The following SEMA3F variants were observed in gnomAD, a reference collection of about 807,000 sequenced individuals.
SEMA3F encodes the protein semaphorin-3F.
Under a neutral mutation model 98.5 loss-of-function variants are expected in SEMA3F, and 30 were observed. That is an observed-to-expected ratio of 0.30 (90% CI 0.23 to 0.41). The LOEUF (loss-of-function observed/expected upper bound fraction) is 0.41. SEMA3F is among the 10% of genes least tolerant of loss of function. SEMA3F has a pLI of 1.00. For missense variants in SEMA3F, 866 were observed against 1,119.3 expected, an observed-to-expected ratio of 0.77 and a Z score of 3.23; for synonymous variants, 380 against 444.8, an observed-to-expected ratio of 0.85 and a Z score of 1.83.
At chr3:50,161,013 T>C (rs1395222289) in intron 2 of SEMA3F, among the ~76,000 whole-genome samples, 1 of 152,154 alleles carries the variant, frequency 6.6e-6, no homozygotes, top group Non-Finnish European at 1.5e-5. Context: ...GTGAGATATT[T>C]ATTCTGCTGA....
intron 2 of SEMA3F, among the ~76,000 whole-genome samples, chr3:50,170,187 C>G (rs1698551453): frequency 6.6e-6 from 1 of 152,136 alleles, no homozygotes; most frequent in Non-Finnish European, 1.5e-5. Context: ...CTTACACCTT[C>G]TTTGCTCTGG....
In SEMA3F at chr3:50,173,893, G is replaced by A; in HGVS notation, c.213G>A (p.Val71=). The A allele has an allele frequency of 6.2e-7, 1 of 1,614,148 alleles. No individual in the cohort carries two copies. The highest frequency in any genetic ancestry group is 8.5e-7 in the Non-Finnish European group (1 of 1,180,030). Residue 71 remains valine (V), a synonymous_variant, in exon 3 of 19, where the codon GTG becomes GTA. Transcript: ENST00000002829. ...LKDEDHDRMY[V]GSKDYVLSLD... is the part of the protein sequence containing the mutation. ...ACGAGGACCACGACCGCATGTACGT[G>A]GGCAGCAAGGACTACGTGCTGTCCC...
intron 7 of SEMA3F, among the ~76,000 whole-genome samples, chr3:50,180,309 G>A (rs1051942004): frequency 1.3e-5 from 2 of 151,806 alleles, no homozygotes; most frequent in Admixed American, 6.6e-5. Flanking sequence ...GATCATAGGC[G>A]CCCACCACCA....
At position 50,185,725 on chromosome 3, in the gene SEMA3F, T is replaced by C; in HGVS notation, c.1587+18T>C. On this transcript the variant is annotated intron_variant, in intron 15 of 18. Transcript: ENST00000002829. The stretch of plus-strand genomic sequence containing the variant: ...CTAAGAGGGTAAGCCTTTGGCGAGG[T>C]GAGCCAAGGTTGGGGACAGGGCCTG... 3 of 1,614,028 alleles carry C rather than the reference T, an allele frequency of 1.9e-6. No individual in the cohort carries two copies. The highest frequency in any genetic ancestry group is 2.5e-6 in the Non-Finnish European group (3 of 1,179,924).
chr3:50,155,154 C>A, upstream of SEMA3F: 1 of 370,720 alleles, frequency 2.7e-6, no homozygotes, highest in South Asian at 6.3e-5. The surrounding 1 kb of genome is among the most constrained non-coding windows in gnomAD (Gnocchi z 4.9). Flanking sequence ...CTGGGTACGC[C>A]GCGAGGAACC....
chr3:50,169,771 G>T (rs536192425), intron 2 of SEMA3F, among the ~76,000 whole-genome samples: 22 of 152,372 alleles, frequency 1.4e-4, no homozygotes, highest in African/African-American at 4.3e-4. Flanking sequence ...ACCAGGCTGG[G>T]TCTGCATCAG....
At position 50,170,653 on chromosome 3, in the gene SEMA3F, T is replaced by C. The variant is rs181656839; in HGVS notation, c.113-3140T>C. Among the ~76,000 whole-genome samples the C allele has an allele frequency of 4.9e-3, 746 of 152,090 alleles. 12 individuals are homozygous for C. Among genetic ancestry groups the C allele is most frequent in the African/African-American group, 0.017 (694 of 41,454 alleles). On this transcript the variant is annotated intron_variant, in intron 2 of 18. Coordinates refer to ENST00000002829, the MANE Select transcript of SEMA3F (RefSeq NM_004186.5). ...AGTACCAGGAGGGCCTGAGAGATGGTCTAGACTAGAGAATGAGGCTCAGAG... is the reference window on the plus strand; with the variant it reads ...AGTACCAGGAGGGCCTGAGAGATGGCCTAGACTAGAGAATGAGGCTCAGAG...
chr3:50,176,941 C>A, intron 7 of SEMA3F, 80 bp downstream of exon 7: 1 of 1,162,454 alleles, frequency 8.6e-7, no homozygotes, highest in Non-Finnish European at 1.3e-6. Flanking sequence ...CCAACACTTA[C>A]CCAAGGGCAG....
In SEMA3F at chr3:50,182,262, T is replaced by G. The variant is rs757860879; in HGVS notation, c.644-22T>G. On this transcript the variant is annotated intron_variant, in intron 7 of 18. Transcript: ENST00000002829. The surrounding 1 kb of genome is among the most constrained non-coding windows in gnomAD (Gnocchi z 4.5). ...CCCTAGCAAACAGCAGCCCCCCAAC[T>G]GACCCACTGGCCTACCCACAGATGA... The G allele has an allele frequency of 1.9e-6, 3 of 1,613,972 alleles. No individual in the cohort carries two copies. The highest frequency in any genetic ancestry group is 2.5e-6 in the Non-Finnish European group (3 of 1,179,986).
chr3:50,179,359 C>T (rs1429456317), intron 7 of SEMA3F, among the ~76,000 whole-genome samples: 24 of 149,396 alleles, frequency 1.6e-4, no homozygotes, highest in African/African-American at 5.2e-4. Flanking sequence ...GGAGTCTTGC[C>T]GTATTTCCCA....
intron 2 of SEMA3F, among the ~76,000 whole-genome samples, chr3:50,168,232 C>T (rs1465575063): frequency 1.3e-5 from 2 of 151,990 alleles, no homozygotes; most frequent in African/African-American, 4.8e-5. Flanking sequence ...TCAGAGGAAC[C>T]TGGAACCTCT....
At chr3:50,169,177 G>T (rs1698512952) in intron 2 of SEMA3F, among the ~76,000 whole-genome samples, 1 of 152,212 alleles carries the variant, frequency 6.6e-6, no homozygotes, top group Non-Finnish European at 1.5e-5. Flanking sequence ...AGCAGCAAGG[G>T]GTAGGGGCTG....
In SEMA3F at chr3:50,186,724, A is replaced by T. The variant is rs1275330943; in HGVS notation, c.1925A>T (p.Asp642Val). Residue 642 changes from aspartate to valine, a missense_variant, in exon 18 of 19, where the codon GAT becomes GTT. Coordinates refer to ENST00000002829, the MANE Select transcript of SEMA3F (RefSeq NM_004186.5). ...QATVKWLFQR[D>V]PGDRRREIRA... is the part of the protein sequence containing the mutation. ...ACTGTTAAGTGGCTGTTCCAGCGAG[A>T]TCCTGGTGACCGGCGCCGAGAGGTG... 1 of 1,605,920 alleles carries T rather than the reference A, an allele frequency of 6.2e-7. No individual in the cohort carries two copies. Among genetic ancestry groups the T allele is most frequent in the Non-Finnish European group, 8.5e-7 (1 of 1,173,644 alleles).
intron 13 of SEMA3F, 111 bp from the exon 14 acceptor site, chr3:50,185,332 C>G (rs1699167753): frequency 2.0e-6 from 2 of 986,414 alleles, no homozygotes; most frequent in Non-Finnish European, 3.0e-6. Flanking sequence ...GCACAAAGCT[C>G]CAGCTCCAAT....
chr3:50,155,802 G>A lies in SEMA3F; in HGVS notation c.-49+238G>A. 5.3e-6 allele frequency: 1 copy of A among 188,248 alleles called. No individual in the cohort carries two copies. The highest frequency in any genetic ancestry group is 1.1e-5 in the Non-Finnish European group (1 of 91,950). The allele number at this position is 188,248 out of a possible 1,614,324, so 11.7% of individuals were successfully genotyped here. Reference sequence around the variant, plus strand: ...GATGTGTGGATGATGTGGCCTGCGGGGTCACCCATGTGCAAAGCAACTTTT... The same window carrying A: ...GATGTGTGGATGATGTGGCCTGCGGAGTCACCCATGTGCAAAGCAACTTTT... On this transcript the variant is annotated intron_variant, in intron 1 of 18. Coordinates refer to ENST00000002829, the MANE Select transcript of SEMA3F (RefSeq NM_004186.5). The surrounding 1 kb of genome is among the most constrained non-coding windows in gnomAD (Gnocchi z 4.9).
At position 50,158,120 on chromosome 3, in the gene SEMA3F, A is replaced by C. The variant is rs1198721695; in HGVS notation, c.-48-1455A>C. Among the ~76,000 whole-genome samples the C allele has an allele frequency of 2.0e-5, 3 of 152,036 alleles. No homozygotes were observed. Among genetic ancestry groups the C allele is most frequent in the African/African-American group, 7.3e-5 (3 of 41,378 alleles). ...TGAGGGTGACGGTGGCTGCACAGCC[A>C]TTTCTCCCACCTGCCCCCACTTCTC... On this transcript the variant is annotated intron_variant, in intron 1 of 18. Transcript: ENST00000002829. This position sits in a 1 kb window ranked among gnomAD's most constrained non-coding sequence, Gnocchi z 4.8.
At chr3:50,169,533 G>T (rs916236832) in intron 2 of SEMA3F, among the ~76,000 whole-genome samples, 6 of 152,192 alleles carry the variant, frequency 3.9e-5, no homozygotes, top group Admixed American at 1.3e-4. Context: ...CTGGGTGAGA[G>T]TATGGGGGTG....
At chr3:50,172,069 C>T (rs190938297) in intron 2 of SEMA3F, among the ~76,000 whole-genome samples, 1 of 152,158 alleles carries the variant, frequency 6.6e-6, no homozygotes, top group Non-Finnish European at 1.5e-5. Flanking sequence ...TCTAGGGCCT[C>T]GGATCCCAGC....
intron 7 of SEMA3F, among the ~76,000 whole-genome samples, chr3:50,179,428 C>T (rs762787606): frequency 3.3e-5 from 5 of 151,368 alleles, no homozygotes; most frequent in Admixed American, 6.6e-5. Flanking sequence ...TGGGTTCAAG[C>T]GATTCTCCTG....
Sources: gnomAD v4.1 joint callset for allele counts (sites outside exome capture counted in the v4.1 genomes callset) on GRCh38, gnomAD v4.1.1 for gene constraint, Gnocchi (gnomAD v3.1) non-coding constraint, MANE v1.5 for transcripts, NCBI Gene and HGNC (gene_info 2026-07-23, HGNC 2026-07-21) for gene names.